Variants in GLB1L3 observed in about 807,000 individuals in gnomAD.
The protein encoded by GLB1L3 is galactosidase beta 1 like 3, also known as beta-galactosidase-1-like protein 3.
A neutral mutation model predicts 89.5 loss-of-function variants in GLB1L3; 89 were observed. The ratio of observed to expected loss-of-function variants is 0.99; its 90% CI spans 0.84 to 1.19. GLB1L3 has a LOEUF of 1.19. Among genes scored for constraint, GLB1L3 ranks in the 50% most tolerant of loss-of-function variants. GLB1L3 has a pLI of 0.00. For synonymous variants in GLB1L3, 314 were observed against 312.3 expected (o/e 1.01, Z -0.06); for missense variants, 812 against 813.3 (o/e 1.00, Z 0.02).
rs560116220 is a variant in GLB1L3 at position 134,278,860 on chromosome 11, T to C, written c.362+948T>C. 1.1e-4 allele frequency among the ~76,000 whole-genome samples: 16 copies of C among 152,338 alleles called. No homozygotes were observed. The South Asian group carries it at 3.3e-3, about 32-fold the overall frequency. ...GCTACTGCATGTATTGGGGGGACAA[T>C]ATAGTTTTTCTTCACTGTTCTTTTG... On this transcript the variant is annotated intron_variant, in intron 3 of 19. Coordinates refer to ENST00000431683, the MANE Select transcript of GLB1L3 (RefSeq NM_001080407.3).
rs902492520 is a variant in GLB1L3 at position 134,276,824 on chromosome 11, C to T, written c.23+61C>T. 8.4e-6 allele frequency: 11 copies of T among 1,314,346 alleles called. No individual in the cohort carries two copies. In the African/African-American group the frequency reaches 1.1e-4, roughly 13 times the overall value. The allele number at this position is 1,314,346 out of a possible 1,614,324, so 81.4% of individuals were successfully genotyped here. Reference sequence around the variant, plus strand: ...CACCCCGGCGCGTGCCCGGGAGCCTCCACCCTCCCCGGGTTCTGTGGCCGG... The same window carrying T: ...CACCCCGGCGCGTGCCCGGGAGCCTTCACCCTCCCCGGGTTCTGTGGCCGG... On this transcript the variant is annotated intron_variant, in intron 1 of 19. Coordinates refer to ENST00000431683, the MANE Select transcript of GLB1L3 (RefSeq NM_001080407.3).
intron 9 of GLB1L3, among the ~76,000 whole-genome samples, chr11:134,304,098 A>G (rs981719662): frequency 1.3e-5 from 2 of 152,198 alleles, no homozygotes; most frequent in East Asian, 1.9e-4. Context: ...GTTCCCAGGT[A>G]GTAGTTCTTC....
intron 9 of GLB1L3, among the ~76,000 whole-genome samples, chr11:134,301,843 A>G (rs1221736945): frequency 3.3e-5 from 5 of 152,146 alleles, no homozygotes; most frequent in African/African-American, 1.2e-4. Flanking sequence ...TTGGCCTATG[A>G]GTATGTTTAG....
At chr11:134,319,691 CCTCTCT>C (rs34982949), downstream of GLB1L3, 8,928 of 143,290 alleles carry the variant, frequency 0.062, 832 homozygotes, top group African/African-American at 0.21. Context: ...CGGTCTCCCT[CCTCTCT>C]CTCTCTCTCT....
chr11:134,308,176 C>CAAAT, intron 10 of GLB1L3, among the ~76,000 whole-genome samples: 1 of 118,828 alleles, frequency 8.4e-6, no homozygotes, highest in Non-Finnish European at 1.7e-5. Flanking sequence ...CCAGCACCAC[C>CAAAT]ACCATCACCA....
chr11:134,312,495 G>A lies in GLB1L3; in HGVS notation c.1428+6G>A, dbSNP rs746670421. On this transcript the variant is annotated splice_donor_region_variant and intron_variant, in intron 14 of 19. Coordinates refer to ENST00000431683, the MANE Select transcript of GLB1L3 (RefSeq NM_001080407.3). ...ACGCTCATGACGTGGCACAGGTAGG[G>A]CCAGCAGGCTGTCTGTGTGGGAAGC... is the stretch of plus-strand genomic sequence containing the variant. 1.2e-6 allele frequency: 2 copies of A among 1,610,426 alleles called. No individual in the cohort carries two copies. Among genetic ancestry groups the A allele is most frequent in the Non-Finnish European group, 1.7e-6 (2 of 1,179,750 alleles).
At position 134,292,218 on chromosome 11, in the gene GLB1L3, A is replaced by C. The variant is rs769709721; in HGVS notation, c.811+5A>C. 2.5e-6 allele frequency: 4 copies of C among 1,607,612 alleles called. No homozygotes were observed. The East Asian group carries it at 8.9e-5, about 36-fold the overall frequency. On this transcript the variant is annotated splice_donor_5th_base_variant and intron_variant, in intron 8 of 19. Transcript: ENST00000431683. ...TGAGTGGCCACACCAAAGGAGGTAC[A>C]CATTTAGAGTTAGTTCACAGGAGAA...
At chr11:134,294,658 C>T (rs473798) in intron 9 of GLB1L3, among the ~76,000 whole-genome samples, 21,730 of 152,266 alleles carry the variant, frequency 0.14, 1,795 homozygotes, top group Middle Eastern at 0.2. Flanking sequence ...GTCTCCAGCC[C>T]TGGGCAGCCA....
At chr11:134,276,881 C>G in intron 1 of GLB1L3, 118 bp downstream of exon 1, 1 of 927,096 alleles carries the variant, frequency 1.1e-6, no homozygotes, top group Non-Finnish European at 1.4e-6. Flanking sequence ...CGCGCCGGGC[C>G]GCGCCACCAA....
intron 9 of GLB1L3, among the ~76,000 whole-genome samples, chr11:134,303,453 T>G (rs999307158): frequency 4.6e-5 from 7 of 152,198 alleles, no homozygotes; most frequent in African/African-American, 1.7e-4. Flanking sequence ...ATTCGACTAT[T>G]TAAAAAAATC....
In GLB1L3 at chr11:134,319,411, G is replaced by A. The variant is rs150057622; in HGVS notation, c.*469G>A. ...CAGAGGAATTGTTATGTATTTTGTAGTCTATCTATATGATGCCTATTTTTA... is the reference window on the plus strand; with the variant it reads ...CAGAGGAATTGTTATGTATTTTGTAATCTATCTATATGATGCCTATTTTTA... On this transcript the variant is annotated 3_prime_UTR_variant, in exon 20 of 20. Transcript: ENST00000431683. The A allele has an allele frequency of 0.016, 2,515 of 156,822 alleles. 29 individuals are homozygous for A. The highest frequency in any genetic ancestry group is 0.026 in the Non-Finnish European group (1,847 of 71,034). The allele number at this position is 156,822 out of a possible 1,614,324, so 9.7% of individuals were successfully genotyped here. A position where few individuals can be genotyped will look rare whatever the true frequency, so the allele number is the denominator to read the frequency against.
intron 9 of GLB1L3, among the ~76,000 whole-genome samples, chr11:134,301,543 G>T (rs1260389054): frequency 6.6e-6 from 1 of 152,002 alleles, no homozygotes; most frequent in Non-Finnish European, 1.5e-5. Context: ...TCAGAAGCAT[G>T]TTGGTTCTTT....
chr11:134,308,031 C>T (rs1591576471), intron 10 of GLB1L3, among the ~76,000 whole-genome samples: 1 of 151,876 alleles, frequency 6.6e-6, no homozygotes, highest in Admixed American at 6.6e-5. Flanking sequence ...GAAAAAAAGT[C>T]AAAAGAAAAA....
intron 9 of GLB1L3, among the ~76,000 whole-genome samples, chr11:134,293,632 A>C (rs1417440065): frequency 6.6e-6 from 1 of 151,960 alleles, no homozygotes; most frequent in East Asian, 1.9e-4. Flanking sequence ...ACGTGGATTG[A>C]GCGGCTCCCA....
chr11:134,301,481 T>C (rs189707189), intron 9 of GLB1L3, among the ~76,000 whole-genome samples: 3 of 152,314 alleles, frequency 2.0e-5, no homozygotes, highest in African/African-American at 7.2e-5. Context: ...TCTTTCCTTT[T>C]CATTTCTGAT....
rs1331020375 is a variant in GLB1L3, at chr11:134,288,908, T to G, written c.729+18T>G. ...TCCACAAGGTAAGAGGGCCTTGGTTTGGCCCCATGTTTACATGCCTCCTTC... is the reference window on the plus strand; with the variant it reads ...TCCACAAGGTAAGAGGGCCTTGGTTGGGCCCCATGTTTACATGCCTCCTTC... On this transcript the variant is annotated intron_variant, in intron 7 of 19. Coordinates refer to ENST00000431683, the MANE Select transcript of GLB1L3 (RefSeq NM_001080407.3). 6.4e-7 allele frequency: 1 copy of G among 1,569,146 alleles called. No homozygotes were observed. The highest frequency in any genetic ancestry group is 8.7e-7 in the Non-Finnish European group (1 of 1,143,764).
chr11:134,315,941 G>A (rs998360196), intron 18 of GLB1L3, among the ~76,000 whole-genome samples: 1 of 152,048 alleles, frequency 6.6e-6, no homozygotes, highest in African/African-American at 2.4e-5. Flanking sequence ...TTTACGCGTG[G>A]ATTTGGTTGC....
chr11:134,313,827 T>G (rs1942860814), intron 16 of GLB1L3, 114 bp from the exon 17 acceptor site: 2 of 718,212 alleles, frequency 2.8e-6, no homozygotes, highest in Non-Finnish European at 4.9e-6. Flanking sequence ...TTTGCCCTCC[T>G]GGCTGTGCCC....
rs751727859 is a variant in GLB1L3 at position 134,309,829 on chromosome 11, C to T, written c.1099+66C>T. 4.9e-5 allele frequency: 77 copies of T among 1,566,354 alleles called. 2 individuals carry two copies. In the Admixed American group the frequency reaches 5.1e-4, roughly 10 times the overall value. ...TGCTGGGGCTTTACAGAGGAGGCTCCGGAAGCCTGTTCTGGCACCACTGGG... is the reference window on the plus strand; with the variant it reads ...TGCTGGGGCTTTACAGAGGAGGCTCTGGAAGCCTGTTCTGGCACCACTGGG... On this transcript the variant is annotated intron_variant, in intron 11 of 19. Coordinates refer to ENST00000431683, the MANE Select transcript of GLB1L3 (RefSeq NM_001080407.3).
Sources: gnomAD v4.1 joint callset for allele counts (sites outside exome capture counted in the v4.1 genomes callset) on GRCh38, gnomAD v4.1.1 for gene constraint, MANE v1.5 for transcripts, NCBI Gene and HGNC (gene_info 2026-07-23, HGNC 2026-07-21) for gene names.